The following TMEM74 variants were observed in gnomAD, a reference collection of about 807,000 sequenced individuals.
The protein encoded by TMEM74 is transmembrane protein 74.
In TMEM74, 13 loss-of-function variants were observed where a neutral mutation model predicts 18.1. The observed-to-expected ratio is 0.72, with a 90% CI of 0.47 to 1.14. The LOEUF is 1.14. TMEM74 is among the 50% of genes most tolerant of loss of function. The pLI, the probability that TMEM74 is intolerant of heterozygous loss-of-function variation, is 0.00. For missense variants in TMEM74, 372 were observed against 375.9 expected, an observed-to-expected ratio of 0.99 and a Z score of 0.09; for synonymous variants, 159 against 146.6, an observed-to-expected ratio of 1.08 and a Z score of -0.61.
At chr8:108,713,231 G>A (rs1277088236) in intron 1 of TMEM74, among the ~76,000 whole-genome samples, 1 of 152,050 alleles carries the variant, frequency 6.6e-6, no homozygotes, top group Non-Finnish European at 1.5e-5. Flanking sequence ...AAGAAGATAA[G>A]GCCATAGGAA....
At chr8:108,632,835 G>A (rs1413814341) in intron 2 of TMEM74, among the ~76,000 whole-genome samples, 1 of 151,960 alleles carries the variant, frequency 6.6e-6, no homozygotes, top group Non-Finnish European at 1.5e-5. Context: ...CAAAATGAGA[G>A]TTGGACCAGG....
chr8:108,655,353 C>T (rs1192753215), exon 2 of TMEM74: 2 of 151,940 alleles, frequency 1.3e-5, no homozygotes, highest in Non-Finnish European at 2.9e-5. Context: ...TGCTGGAATC[C>T]CAGGACTTTG....
intron 1 of TMEM74, among the ~76,000 whole-genome samples, chr8:108,733,590 G>C (rs894440682): frequency 2.0e-5 from 3 of 152,152 alleles, no homozygotes; most frequent in African/African-American, 7.2e-5. Context: ...ACACTCATTT[G>C]TCAAACTGAA....
chr8:108,693,116 T>C (rs2130608928), intron 1 of TMEM74, among the ~76,000 whole-genome samples: 1 of 152,232 alleles, frequency 6.6e-6, no homozygotes, highest in African/African-American at 2.4e-5. Context: ...GCAGCAATTG[T>C]AAAGGTGCTG....
intron 1 of TMEM74, among the ~76,000 whole-genome samples, chr8:108,674,916 C>T (rs1813041607): frequency 6.6e-6 from 1 of 152,148 alleles, no homozygotes; most frequent in African/African-American, 2.4e-5. Context: ...TCTCAGTTTG[C>T]TCTGCCTGAC....
intron 1 of TMEM74, among the ~76,000 whole-genome samples, chr8:108,718,775 T>C (rs1435380980): frequency 1.3e-5 from 2 of 152,194 alleles, no homozygotes; most frequent in Non-Finnish European, 2.9e-5. Flanking sequence ...TTAATATGTA[T>C]GAAATTTGAA....
intron 1 of TMEM74, among the ~76,000 whole-genome samples, chr8:108,757,768 G>T (rs1209101146): frequency 6.6e-6 from 1 of 151,892 alleles, no homozygotes; most frequent in African/African-American, 2.4e-5. Context: ...CTTCTTCAAT[G>T]AAGTCTTCTT....
chr8:108,642,206 C>A (rs912392326), intron 2 of TMEM74, among the ~76,000 whole-genome samples: 3 of 151,908 alleles, frequency 2.0e-5, no homozygotes, highest in Non-Finnish European at 4.4e-5. Context: ...TGAGACCAGC[C>A]TGGGCAACAC....
chr8:108,615,966 T>C lies in TMEM74; in HGVS notation n.265-7140A>G, dbSNP rs565608711. ...CACACCCAGCTAATTTTTGTATTTT[T>C]AGTAGAGACGGGGTTTCACCATGTT... is the stretch of plus-strand genomic sequence containing the variant. On this transcript the variant is annotated intron_variant and non_coding_transcript_variant, in intron 2 of 3. Transcript: ENST00000518838. 1.2e-4 allele frequency among the ~76,000 whole-genome samples: 19 copies of C among 152,206 alleles called. No homozygotes were observed. In the East Asian group the frequency reaches 3.7e-3, roughly 29 times the overall value.
In TMEM74 at chr8:108,669,962, C is replaced by T. The variant is rs922418967; in HGVS notation, n.120-14525G>A. On this transcript the variant is annotated intron_variant and non_coding_transcript_variant, in intron 1 of 3. Coordinates refer to the TMEM74 transcript ENST00000518838. ...CTGAGGCAAGAGAATCACTTGAACTCGGGAGGCAGAGGTTACAGTGAGCCG... is the reference window on the plus strand; with the variant it reads ...CTGAGGCAAGAGAATCACTTGAACTTGGGAGGCAGAGGTTACAGTGAGCCG... Among the ~76,000 whole-genome samples, 8 of 146,000 alleles carry T rather than the reference C, an allele frequency of 5.5e-5. No individual in the cohort carries two copies. The South Asian group carries it at 6.8e-4, about 12-fold the overall frequency.
At chr8:108,629,949 G>A (rs761376349) in intron 2 of TMEM74, among the ~76,000 whole-genome samples, 2 of 151,962 alleles carry the variant, frequency 1.3e-5, no homozygotes, top group Non-Finnish European at 2.9e-5. Context: ...TAACCAGCGA[G>A]CATCTTGATT....
chr8:108,680,619 C>T (rs1372807044), intron 1 of TMEM74, among the ~76,000 whole-genome samples: 5 of 152,144 alleles, frequency 3.3e-5, no homozygotes, highest in Non-Finnish European at 5.9e-5. Context: ...GACAGGATGC[C>T]CTCTCTCACC....
At chr8:108,633,172 G>A (rs1314308447) in intron 2 of TMEM74, among the ~76,000 whole-genome samples, 3 of 151,830 alleles carry the variant, frequency 2.0e-5, no homozygotes, top group African/African-American at 7.3e-5. Context: ...TGTAATAATC[G>A]CTGACTTTTT....
intron 1 of TMEM74, among the ~76,000 whole-genome samples, chr8:108,686,772 T>C (rs1376084290): frequency 2.6e-5 from 4 of 152,152 alleles, no homozygotes; most frequent in Non-Finnish European, 5.9e-5. Context: ...AGGGGATTAC[T>C]GGACACTACT....
chr8:108,669,773 C>T (rs1304465626), intron 1 of TMEM74, among the ~76,000 whole-genome samples: 1 of 152,122 alleles, frequency 6.6e-6, no homozygotes, highest in Non-Finnish European at 1.5e-5. Context: ...CATGGTGGCT[C>T]ACGCCAGTAA....
intron 2 of TMEM74, among the ~76,000 whole-genome samples, chr8:108,642,227 T>C (rs3019398): frequency 0.22 from 33,160 of 151,748 alleles, 3,646 homozygotes; most frequent in East Asian, 0.27. Flanking sequence ...GGTGAAACCC[T>C]GTTTCTATGA....
chr8:108,707,331 T>TAA (rs34769336), intron 1 of TMEM74, among the ~76,000 whole-genome samples: 21 of 147,168 alleles, frequency 1.4e-4, no homozygotes, highest in Admixed American at 5.4e-4. Context: ...ACTTAAACTA[T>TAA]AAAAAAAAAA....
In TMEM74 at chr8:108,782,080, C is replaced by CT. The variant is rs1352103071; in HGVS notation, c.*2100dup. Among the ~76,000 whole-genome samples, 1 of 151,844 alleles carries CT rather than the reference C, an allele frequency of 6.6e-6. No homozygotes were observed. Among genetic ancestry groups the CT allele is most frequent in the African/African-American group, 2.4e-5 (1 of 41,308 alleles). ...ACATTAGTTTTTTCTTTAATGCCTTCTTTTTTTTAATGCCTTCTTTTTTTA... is the reference window on the plus strand; with the variant it reads ...ACATTAGTTTTTTCTTTAATGCCTTCTTTTTTTTTAATGCCTTCTTTTTTTA... On this transcript the variant is annotated 3_prime_UTR_variant, in exon 2 of 2. Transcript: ENST00000297459.
chr8:108,709,520 C>T (rs1286770080), intron 1 of TMEM74, among the ~76,000 whole-genome samples: 1 of 152,008 alleles, frequency 6.6e-6, no homozygotes, highest in African/African-American at 2.4e-5. Context: ...TTGCCAGGGG[C>T]AGGGGAGTAA....
Sources: allele counts gnomAD v4.1 joint callset (sites outside exome capture counted in the v4.1 genomes callset), GRCh38; gene constraint gnomAD v4.1.1; transcripts MANE v1.5; gene names NCBI Gene and HGNC (gene_info 2026-07-23, HGNC 2026-07-21).